The following FNBP1L variants were observed in gnomAD, a reference collection of about 807,000 sequenced individuals.
FNBP1L encodes the protein formin-binding protein 1-like.
Under a neutral mutation model 91.2 loss-of-function variants are expected in FNBP1L, and 36 were observed. The ratio of observed to expected loss-of-function variants is 0.39; its 90% CI spans 0.30 to 0.52. The LOEUF is 0.52. Ranked by LOEUF, FNBP1L falls within the 20% of genes least tolerant of loss-of-function variation. The probability of loss-of-function intolerance (pLI) is 0.66; values close to 1 mark genes in which losing one functional copy is unlikely to be tolerated. For synonymous variants in FNBP1L, 242 were observed against 237.0 expected, an observed-to-expected ratio of 1.02 and a Z score of -0.19; for missense variants, 571 against 732.1, an observed-to-expected ratio of 0.78 and a Z score of 2.54.
At chr1:93,497,982 T>G (rs1670324273) in intron 1 of FNBP1L, among the ~76,000 whole-genome samples, 1 of 150,316 alleles carries the variant, frequency 6.7e-6, no homozygotes, top group Admixed American at 6.6e-5. Flanking sequence ...AAAAAAAAAC[T>G]GTTTAAAAAT....
chr1:93,521,065 C>CTG (rs1557807625), intron 2 of FNBP1L, among the ~76,000 whole-genome samples: 49 of 151,408 alleles, frequency 3.2e-4, no homozygotes, highest in Non-Finnish European at 5.0e-4. Flanking sequence ...ACCAACCAAC[C>CTG]AACCAACCAA....
chr1:93,531,481 A>AG (rs1281877590), intron 7 of FNBP1L, among the ~76,000 whole-genome samples: 8 of 152,252 alleles, frequency 5.3e-5, no homozygotes, highest in Non-Finnish European at 1.0e-4. Flanking sequence ...GAGAAATTAC[A>AG]GAAAAGGGAT....
chr1:93,538,568 T>C (rs1013349309), intron 10 of FNBP1L, among the ~76,000 whole-genome samples: 18 of 152,084 alleles, frequency 1.2e-4, no homozygotes, highest in Non-Finnish European at 2.1e-4. Context: ...TTCTTTTGAT[T>C]ACCGTTTGGT....
intron 16 of FNBP1L, 198 bp downstream of exon 16, chr1:93,551,303 A>G: frequency 8.0e-7 from 1 of 1,255,646 alleles, no homozygotes; most frequent in Non-Finnish European, 1.0e-6. Context: ...ATTTTGTGGC[A>G]CTTTACTGTT....
At chr1:93,448,398 C>G (rs1191342518) in intron 1 of FNBP1L, 93 bp downstream of exon 1, 5 of 1,332,852 alleles carry the variant, frequency 3.8e-6, no homozygotes, top group Non-Finnish European at 4.9e-6. Context: ...TGAAAGCGCG[C>G]TCCGCCGTCC....
intron 15 of FNBP1L, among the ~76,000 whole-genome samples, chr1:93,550,030 G>A (rs562585150): frequency 3.9e-5 from 6 of 152,300 alleles, no homozygotes; most frequent in Non-Finnish European, 8.8e-5. Context: ...ATCCTGGACT[G>A]TGAAAAATAC....
chr1:93,499,977 AGAGT>A (rs1412260928), intron 2 of FNBP1L, among the ~76,000 whole-genome samples: 1 of 152,170 alleles, frequency 6.6e-6, no homozygotes, highest in East Asian at 1.9e-4. Flanking sequence ...ACTTGGAAAT[AGAGT>A]GTGTGCTGAG....
intron 1 of FNBP1L, among the ~76,000 whole-genome samples, chr1:93,486,199 C>G (rs980858295): frequency 6.6e-6 from 1 of 152,026 alleles, no homozygotes; most frequent in African/African-American, 2.4e-5. Context: ...AAAATGTTAG[C>G]CTACTGTTCA....
chr1:93,512,674 T>A (rs1202293165), intron 2 of FNBP1L, among the ~76,000 whole-genome samples: 3 of 149,442 alleles, frequency 2.0e-5, no homozygotes, highest in African/African-American at 7.4e-5. Context: ...GAATGACTAC[T>A]GGGTACATAA....
At chr1:93,493,196 C>T (rs1292652735) in intron 1 of FNBP1L, among the ~76,000 whole-genome samples, 1 of 151,984 alleles carries the variant, frequency 6.6e-6, no homozygotes, top group Non-Finnish European at 1.5e-5. Flanking sequence ...CTCAGGAGGT[C>T]GAGTCTGCAG....
In FNBP1L at chr1:93,523,333, G is replaced by A; in HGVS notation, c.195-11G>A. On this transcript the variant is annotated splice_polypyrimidine_tract_variant and intron_variant, in intron 3 of 16. Transcript: ENST00000271234. ...AAAGTAAGTCTCACCATTTTGAAATGTTTTTGCCAGGTTTACCTCGTGTGT... is the reference window on the plus strand; with the variant it reads ...AAAGTAAGTCTCACCATTTTGAAATATTTTTGCCAGGTTTACCTCGTGTGT... 1 of 1,592,650 alleles carries A rather than the reference G, an allele frequency of 6.3e-7. No homozygotes were observed. Among genetic ancestry groups the A allele is most frequent in the Admixed American group, 1.8e-5 (1 of 56,322 alleles).
At chr1:93,521,849 C>T (rs1051923426) in intron 2 of FNBP1L, among the ~76,000 whole-genome samples, 14 of 152,180 alleles carry the variant, frequency 9.2e-5, no homozygotes, top group African/African-American at 3.4e-4. Flanking sequence ...TGTTGTGATT[C>T]CATTCATATG....
chr1:93,480,827 G>T (rs1189667758), intron 1 of FNBP1L, among the ~76,000 whole-genome samples: 1 of 152,084 alleles, frequency 6.6e-6, no homozygotes, highest in Non-Finnish European at 1.5e-5. Context: ...CTCCCAAAGT[G>T]CTGGGATTAC....
Position 93,463,309 on chromosome 1 carries a change from G to A in FNBP1L, c.24+15004G>A, listed in dbSNP as rs77016314. Among the ~76,000 whole-genome samples, 1,417 of 152,154 alleles carry A rather than the reference G, an allele frequency of 9.3e-3. 25 individuals carry two copies. Among genetic ancestry groups the A allele is most frequent in the African/African-American group, 0.033 (1,351 of 41,488 alleles). On this transcript the variant is annotated intron_variant, in intron 1 of 16. Coordinates refer to ENST00000271234, the MANE Select transcript of FNBP1L (RefSeq NM_001164473.3). ...AGAATAGTGTTAGAAACAGATCTGG[G>A]TGCTGGGTATGCTCATTGCTACTGC...
intron 2 of FNBP1L, among the ~76,000 whole-genome samples, chr1:93,501,357 T>C (rs1354341358): frequency 2.6e-5 from 4 of 152,154 alleles, no homozygotes; most frequent in Admixed American, 2.6e-4. Context: ...ATTTAACTAA[T>C]GGTTGTACAG....
At chr1:93,453,770 T>C (rs1368101131) in intron 1 of FNBP1L, among the ~76,000 whole-genome samples, 37 of 152,228 alleles carry the variant, frequency 2.4e-4, no homozygotes, top group Non-Finnish European at 2.9e-5. Context: ...AGGCCATGTC[T>C]ATCTAATACA....
chr1:93,546,777 A>G (rs1672255327), intron 12 of FNBP1L, 65 bp from the exon 13 acceptor site: 4 of 1,565,864 alleles, frequency 2.6e-6, no homozygotes, highest in Non-Finnish European at 3.5e-6. Flanking sequence ...AGAGTCCAAT[A>G]AAACTCTTTT....
At chr1:93,534,461 A>G (rs1320634755) in intron 8 of FNBP1L, among the ~76,000 whole-genome samples, 1 of 152,186 alleles carries the variant, frequency 6.6e-6, no homozygotes, top group South Asian at 2.1e-4. Context: ...GCTACCAAGT[A>G]AAAACATTTT....
intron 1 of FNBP1L, among the ~76,000 whole-genome samples, chr1:93,477,579 T>G (rs1478239208): frequency 6.6e-6 from 1 of 152,218 alleles, no homozygotes; most frequent in Non-Finnish European, 1.5e-5. Flanking sequence ...TTAAATACTC[T>G]TCAGCACAAA....
Sources: allele counts gnomAD v4.1 joint callset (sites outside exome capture counted in the v4.1 genomes callset), GRCh38; gene constraint gnomAD v4.1.1; transcripts MANE v1.5; gene names NCBI Gene and HGNC (gene_info 2026-07-23, HGNC 2026-07-21).